VAV3: variants seen among roughly 807,000 people sequenced by gnomAD.
VAV3 encodes the protein vav guanine nucleotide exchange factor 3, also known as guanine nucleotide exchange factor VAV3.
A neutral mutation model predicts 131.2 loss-of-function variants in VAV3; 94 were observed. The observed-to-expected ratio is 0.72, with a 90% CI of 0.61 to 0.85. The LOEUF (loss-of-function observed/expected upper bound fraction) is 0.85. Among genes scored for constraint, VAV3 ranks in the 40% least tolerant of loss-of-function variants. The probability of loss-of-function intolerance (pLI) is 0.00; values close to 1 mark genes in which losing one functional copy is unlikely to be tolerated. For synonymous variants in VAV3, 349 were observed against 342.0 expected (o/e 1.02, Z -0.22); for missense variants, 939 against 1,002.7 (o/e 0.94, Z 0.86).
intron 2 of VAV3, among the ~76,000 whole-genome samples, chr1:107,845,907 C>G (rs983763944): frequency 2.0e-5 from 3 of 152,176 alleles, no homozygotes; most frequent in Non-Finnish European, 2.9e-5. Context: ...CTTCCCCAAA[C>G]TAGCAACACA....
chr1:107,773,635 G>A (rs1195186304), intron 4 of VAV3, among the ~76,000 whole-genome samples: 1 of 152,168 alleles, frequency 6.6e-6, no homozygotes, highest in African/African-American at 2.4e-5. Flanking sequence ...GAATAAGGGA[G>A]GGAGGAGGAA....
chr1:107,821,787 A>G (rs1054641664), intron 2 of VAV3, among the ~76,000 whole-genome samples: 3 of 152,252 alleles, frequency 2.0e-5, no homozygotes, highest in Admixed American at 6.5e-5. Flanking sequence ...AGACCTGATT[A>G]GTTAGTAATG....
Position 107,645,645 on chromosome 1 carries a change from C to A in VAV3, c.1778-2890G>T, listed in dbSNP as rs141495935. ...ACATTAACTGGAAGACAAAAAATTG[C>A]GATTAAGAGGAAATGGGTTAAACCT... On this transcript the variant is annotated intron_variant, in intron 19 of 26. Coordinates refer to ENST00000370056, the MANE Select transcript of VAV3 (RefSeq NM_006113.5). Among the ~76,000 whole-genome samples, 965 of 152,046 alleles carry A rather than the reference C, an allele frequency of 6.3e-3. 7 individuals are homozygous for A. The highest frequency in any genetic ancestry group is 0.012 in the Admixed American group (176 of 15,238).
intron 1 of VAV3, among the ~76,000 whole-genome samples, chr1:107,915,016 G>A (rs531816217): frequency 6.6e-6 from 1 of 152,306 alleles, no homozygotes; most frequent in South Asian, 2.1e-4. Flanking sequence ...GAGAGAGACA[G>A]CCTAAAGACA....
chr1:107,649,366 TC>T (rs1655986784), intron 19 of VAV3, among the ~76,000 whole-genome samples: 1 of 152,022 alleles, frequency 6.6e-6, no homozygotes, highest in Non-Finnish European at 1.5e-5. Flanking sequence ...GAATATTTGC[TC>T]TTACAGAACA....
intron 2 of VAV3, among the ~76,000 whole-genome samples, chr1:107,816,742 A>G (rs1667575739): frequency 6.6e-6 from 1 of 152,270 alleles, no homozygotes; most frequent in Non-Finnish European, 1.5e-5. Context: ...ACACAAAAGA[A>G]GGAATATATG....
intron 4 of VAV3, among the ~76,000 whole-genome samples, chr1:107,773,765 G>A (rs1251609819): frequency 6.6e-6 from 1 of 152,178 alleles, no homozygotes; most frequent in Non-Finnish European, 1.5e-5. Context: ...ATTAGGGCAG[G>A]TAAATCGGTT....
rs368193930 is a variant in VAV3 at position 107,683,685 on chromosome 1, AGTTT to A, written c.1732-156_1732-153del. 278 of 770,748 alleles carry A rather than the reference AGTTT, an allele frequency of 3.6e-4. No individual in the cohort carries two copies. The East Asian group carries it at 4.8e-3, about 13-fold the overall frequency. 47.7% of individuals were successfully genotyped at this position (770,748 alleles called of 1,614,324 possible). A position where few individuals can be genotyped will look rare whatever the true frequency, so the allele number is the denominator to read the frequency against. ...AAATTTGATCAGAATATGGTTTTAAAGTTTGTTTTATTTGTTTTTCTAGTAAGTC... is the reference window on the plus strand; with the variant it reads ...AAATTTGATCAGAATATGGTTTTAAAGTTTTATTTGTTTTTCTAGTAAGTC... On this transcript the variant is annotated intron_variant, in intron 18 of 26. Transcript: ENST00000370056.
intron 19 of VAV3, among the ~76,000 whole-genome samples, chr1:107,679,756 G>A (rs1420571279): frequency 6.6e-6 from 1 of 152,080 alleles, no homozygotes; most frequent in Non-Finnish European, 1.5e-5. Context: ...AGATTTTCTT[G>A]AGATTTATGA....
chr1:107,571,590 G>A lies in VAV3; in HGVS notation c.*1741C>T, dbSNP rs957603106. ...TGACGGCAACAGACAAAACATTCCC[G>A]AGACAGAGTCGCAGATAAGACTTTA... On this transcript the variant is annotated 3_prime_UTR_variant, in exon 27 of 27. Transcript: ENST00000370056. 9.2e-5 allele frequency: 14 copies of A among 152,494 alleles called. No homozygotes were observed. Among genetic ancestry groups the A allele is most frequent in the African/African-American group, 2.9e-4 (12 of 41,424 alleles). 9.4% of individuals were successfully genotyped at this position (152,494 alleles called of 1,614,324 possible).
At chr1:107,695,405 G>T (rs1659683326) in intron 17 of VAV3, among the ~76,000 whole-genome samples, 1 of 152,148 alleles carries the variant, frequency 6.6e-6, no homozygotes, top group African/African-American at 2.4e-5. Context: ...CATTATCAAT[G>T]CATCCTAGAG....
intron 25 of VAV3, among the ~76,000 whole-genome samples, chr1:107,587,565 G>T (rs1650600753): frequency 6.6e-6 from 1 of 152,102 alleles, no homozygotes; most frequent in Non-Finnish European, 1.5e-5. Flanking sequence ...ATGTATGTTT[G>T]TATGTATGTA....
At chr1:107,819,575 G>A (rs1249620063) in intron 2 of VAV3, among the ~76,000 whole-genome samples, 1 of 151,384 alleles carries the variant, frequency 6.6e-6, no homozygotes, top group Non-Finnish European at 1.5e-5. Flanking sequence ...CTTAAATCTT[G>A]GTGATGAGAA....
intron 1 of VAV3, among the ~76,000 whole-genome samples, chr1:107,946,947 T>C (rs779882690): frequency 1.6e-4 from 25 of 152,236 alleles, no homozygotes; most frequent in Non-Finnish European, 3.1e-4. Flanking sequence ...TGTCATACTT[T>C]ATCTTATCAA....
At chr1:107,803,472 T>C (rs12563228) in intron 2 of VAV3, among the ~76,000 whole-genome samples, 22,963 of 152,012 alleles carry the variant, frequency 0.15, 1,996 homozygotes, top group East Asian at 0.29. Flanking sequence ...GTCTCATGAA[T>C]TTTAAAAATT....
intron 20 of VAV3, among the ~76,000 whole-genome samples, chr1:107,632,293 CT>C (rs1416136155): frequency 6.6e-6 from 1 of 152,128 alleles, no homozygotes; most frequent in Non-Finnish European, 1.5e-5. Flanking sequence ...GTGTCTTAAT[CT>C]CTGGAAGTGA....
At position 107,633,740 on chromosome 1, in the gene VAV3, G is replaced by A. The variant is rs185758503; in HGVS notation, c.1914+8879C>T. On this transcript the variant is annotated intron_variant, in intron 20 of 26. Coordinates refer to ENST00000370056, the MANE Select transcript of VAV3 (RefSeq NM_006113.5). ...AGCAGTTTCCACTTTTACACTCTTG[G>A]GAGCCAGCTACCATATAGGAAGTCT... Among the ~76,000 whole-genome samples the A allele has an allele frequency of 7.4e-4, 112 of 152,158 alleles. No individual in the cohort carries two copies. In the Middle Eastern group the frequency reaches 0.017, roughly 23 times the overall value.
intron 20 of VAV3, among the ~76,000 whole-genome samples, chr1:107,628,721 A>G (rs778940874): frequency 9.9e-5 from 15 of 152,218 alleles, no homozygotes; most frequent in Non-Finnish European, 2.2e-4. Flanking sequence ...CTCCTAAAAC[A>G]AAGTACAATG....
At chr1:107,820,260 A>G (rs1483831763) in intron 2 of VAV3, among the ~76,000 whole-genome samples, 2 of 152,218 alleles carry the variant, frequency 1.3e-5, no homozygotes, top group African/African-American at 4.8e-5. Flanking sequence ...CATATACACA[A>G]TAGAGTACTA....
Sources: allele counts gnomAD v4.1 joint callset (sites outside exome capture counted in the v4.1 genomes callset), GRCh38; gene constraint gnomAD v4.1.1; transcripts MANE v1.5; gene names NCBI Gene and HGNC (gene_info 2026-07-23, HGNC 2026-07-21).